MEF2A: variants seen among roughly 807,000 people sequenced by gnomAD.
MEF2A encodes the protein myocyte-specific enhancer factor 2A.
In MEF2A, 28 loss-of-function variants were observed where a neutral mutation model predicts 55.8. The ratio of observed to expected loss-of-function variants is 0.50; its 90% CI spans 0.37 to 0.69. MEF2A has a LOEUF of 0.69. MEF2A is among the 30% of genes least tolerant of loss of function. The pLI is 0.00. For missense variants in MEF2A, 528 were observed against 626.2 expected (o/e 0.84, Z 1.67); for synonymous variants, 239 against 227.1 (o/e 1.05, Z -0.47).
chr15:99,710,675 T>G lies in MEF2A; in HGVS notation c.1051T>G (p.Phe351Val). The G allele has an allele frequency of 6.2e-7, 1 of 1,613,714 alleles. No homozygotes were observed. Among genetic ancestry groups the G allele is most frequent in the Non-Finnish European group, 8.5e-7 (1 of 1,179,620 alleles). Residue 351 changes from phenylalanine to valine, a missense_variant, in exon 11 of 12, where the codon TTC becomes GTC. By Grantham distance (50) the Phe-to-Val change is conservative (BLOSUM62 -1). Transcript: ENST00000557942. ...TSADLSALQG[F>V]NSPGMLSLGQ... ...CGCTGACCTGTCAGCCCTTCAAGGC[T>G]TCAACTCGCCAGGAATGCTGTCGCT...
At chr15:99,594,943 A>G (rs1386500517) in intron 1 of MEF2A, among the ~76,000 whole-genome samples, 1 of 152,220 alleles carries the variant, frequency 6.6e-6, no homozygotes, top group Non-Finnish European at 1.5e-5. Context: ...GAACCTGCTC[A>G]AATGTACTGG....
At chr15:99,686,742 T>C (rs1431050445) in intron 7 of MEF2A, among the ~76,000 whole-genome samples, 2 of 152,214 alleles carry the variant, frequency 1.3e-5, no homozygotes, top group African/African-American at 4.8e-5. Flanking sequence ...TTGAGCTTTT[T>C]GTATTTGGAT....
intron 4 of MEF2A, among the ~76,000 whole-genome samples, chr15:99,660,943 A>G (rs1040719874): frequency 9.9e-5 from 15 of 152,226 alleles, no homozygotes; most frequent in Admixed American, 7.8e-4. Context: ...AGAACAGAAG[A>G]CACTGAAGAA....
At chr15:99,693,807 A>G (rs1193575804) in intron 8 of MEF2A, among the ~76,000 whole-genome samples, 1 of 152,240 alleles carries the variant, frequency 6.6e-6, no homozygotes, top group Non-Finnish European at 1.5e-5. Context: ...TGAACAGTGG[A>G]AATGGAATAA....
intron 3 of MEF2A, among the ~76,000 whole-genome samples, chr15:99,633,920 G>GAGT (rs2043328837): frequency 6.6e-6 from 1 of 152,210 alleles, no homozygotes; most frequent in South Asian, 2.1e-4. Context: ...CAACAGAATT[G>GAGT]AGTAGTTGCC....
At chr15:99,625,258 TATAGA>T (rs2041878116) in intron 2 of MEF2A, among the ~76,000 whole-genome samples, 1 of 152,178 alleles carries the variant, frequency 6.6e-6, no homozygotes, top group Admixed American at 6.5e-5. Context: ...ATTGTTAATG[TATAGA>T]ATTGCAGCTG....
At chr15:99,664,470 T>G (rs2049230815) in intron 4 of MEF2A, among the ~76,000 whole-genome samples, 1 of 152,158 alleles carries the variant, frequency 6.6e-6, no homozygotes, top group Non-Finnish European at 1.5e-5. Context: ...AGAAATGAAT[T>G]GATTTAAAAC....
At chr15:99,607,097 C>G (rs1975439298) in intron 2 of MEF2A, among the ~76,000 whole-genome samples, 1 of 152,120 alleles carries the variant, frequency 6.6e-6, no homozygotes, top group South Asian at 2.1e-4. Context: ...ACAAAACATG[C>G]AAAAATAAAA....
intron 9 of MEF2A, among the ~76,000 whole-genome samples, chr15:99,703,892 T>C (rs573136824): frequency 6.6e-6 from 1 of 152,348 alleles, no homozygotes; most frequent in South Asian, 2.1e-4. Context: ...CTAAAAGGAA[T>C]GTCTGTAATT....
chr15:99,666,578 T>TATAATA (rs55855939), intron 4 of MEF2A, among the ~76,000 whole-genome samples: 25,921 of 141,044 alleles, frequency 0.18, 2,635 homozygotes, highest in South Asian at 0.26. Context: ...GAACTTAAAG[T>TATAATA]ATAATAATAA....
chr15:99,609,308 T>C (rs550221428), intron 2 of MEF2A, among the ~76,000 whole-genome samples: 78 of 152,370 alleles, frequency 5.1e-4, no homozygotes, highest in African/African-American at 1.9e-3. Flanking sequence ...TTAGTATTTT[T>C]GAATTTTACC....
chr15:99,661,727 A>G (rs2048673831), intron 4 of MEF2A, among the ~76,000 whole-genome samples: 1 of 152,064 alleles, frequency 6.6e-6, no homozygotes, highest in African/African-American at 2.4e-5. Flanking sequence ...GTTTGGCATT[A>G]TCTAGTATAA....
intron 4 of MEF2A, among the ~76,000 whole-genome samples, chr15:99,667,096 CAAT>C (rs2049925027): frequency 6.6e-6 from 1 of 152,084 alleles, no homozygotes; most frequent in South Asian, 2.1e-4. Flanking sequence ...ATACTTGCTC[CAAT>C]AATAAGTTCT....
chr15:99,617,148 A>G (rs951031027), intron 2 of MEF2A, among the ~76,000 whole-genome samples: 1 of 152,298 alleles, frequency 6.6e-6, no homozygotes, highest in South Asian at 2.1e-4. Context: ...GACTTAACTC[A>G]CACATCATCA....
At chr15:99,629,738 AT>A (rs2042641033) in intron 2 of MEF2A, among the ~76,000 whole-genome samples, 1 of 152,172 alleles carries the variant, frequency 6.6e-6, no homozygotes, top group Non-Finnish European at 1.5e-5. Flanking sequence ...ACTTCATTGT[AT>A]CCCATCCTGG....
intron 8 of MEF2A, among the ~76,000 whole-genome samples, chr15:99,698,521 G>A (rs138028019): frequency 1.6e-3 from 248 of 152,202 alleles, no homozygotes; most frequent in Non-Finnish European, 2.5e-3. Context: ...GGCTGGGCGC[G>A]GTGGCTCACA....
At chr15:99,708,477 A>T (rs1442802467) in intron 10 of MEF2A, among the ~76,000 whole-genome samples, 1 of 152,262 alleles carries the variant, frequency 6.6e-6, no homozygotes, top group Non-Finnish European at 1.5e-5. Flanking sequence ...ACCAAAGCAT[A>T]TAAAAATGGA....
At position 99,713,495 on chromosome 15, in the gene MEF2A, T is replaced by TATTA. The variant is rs1255801584; in HGVS notation, c.*726_*729dup. On this transcript the variant is annotated 3_prime_UTR_variant, in exon 12 of 12. Transcript: ENST00000557942. ...GAGCATTAACAAAGTAAAATTAATA[T>TATTA]ATTAAGTTATAATTGGAATATGTCA... 1 of 152,450 alleles carries TATTA rather than the reference T, an allele frequency of 6.6e-6. No individual in the cohort carries two copies. The highest frequency in any genetic ancestry group is 1.5e-5 in the Non-Finnish European group (1 of 68,244). 9.4% of individuals were successfully genotyped at this position (152,450 alleles called of 1,614,324 possible).
intron 7 of MEF2A, among the ~76,000 whole-genome samples, chr15:99,689,733 G>C (rs28497795): frequency 0.033 from 5,070 of 152,158 alleles, 298 homozygotes; most frequent in African/African-American, 0.11. Context: ...CACCCTCCTC[G>C]GCATACCGAA....
Sources: gnomAD v4.1 joint callset for allele counts (sites outside exome capture counted in the v4.1 genomes callset) on GRCh38, gnomAD v4.1.1 for gene constraint, MANE v1.5 for transcripts, NCBI Gene and HGNC (gene_info 2026-07-23, HGNC 2026-07-21) for gene names.